Variants in CSMD1 observed in about 807,000 individuals in gnomAD.
CSMD1 encodes the protein CUB and Sushi multiple domains 1.
In CSMD1, 213 loss-of-function variants were observed where a neutral mutation model predicts 417.5. The observed-to-expected ratio is 0.51, with a 90% CI of 0.46 to 0.57. CSMD1 has a LOEUF of 0.57. Among genes scored for constraint, CSMD1 ranks in the 20% least tolerant of loss-of-function variants. The probability of loss-of-function intolerance (pLI) is 0.00; values close to 1 mark genes in which losing one functional copy is unlikely to be tolerated. For missense variants in CSMD1, 6,923 were observed against 4,529.7 expected, an observed-to-expected ratio of 1.53 and a Z score of -15.17; for synonymous variants, 2,862 against 1,736.8, an observed-to-expected ratio of 1.65 and a Z score of -16.11.
intron 1 of CSMD1, among the ~76,000 whole-genome samples, chr8:4,736,901 GTCA>G (rs1208360438): frequency 6.6e-6 from 1 of 152,134 alleles, no homozygotes; most frequent in Non-Finnish European, 1.5e-5. Context: ...GTTATCAGCT[GTCA>G]TCATCATCCT....
intron 1 of CSMD1, among the ~76,000 whole-genome samples, chr8:4,849,212 T>G (rs887111361): frequency 7.2e-5 from 11 of 152,116 alleles, no homozygotes; most frequent in Non-Finnish European, 1.6e-4. Flanking sequence ...GAAAAAAGCT[T>G]GTAGAATAAA....
intron 12 of CSMD1, among the ~76,000 whole-genome samples, chr8:3,414,954 T>C (rs1813038354): frequency 6.6e-6 from 1 of 152,186 alleles, no homozygotes; most frequent in African/African-American, 2.4e-5. Flanking sequence ...CTCTGCATTA[T>C]ATGTACTTTT....
chr8:4,869,912 T>C (rs575838617), intron 1 of CSMD1, among the ~76,000 whole-genome samples: 10 of 152,136 alleles, frequency 6.6e-5, no homozygotes, highest in African/African-American at 2.2e-4. Context: ...AATTTTAGAG[T>C]ATAAAAGTGG....
rs888529016 is a variant in CSMD1, at chr8:3,748,230, T to C, written c.931+5700A>G. On this transcript the variant is annotated intron_variant, in intron 6 of 69. Coordinates refer to ENST00000635120, the MANE Select transcript of CSMD1 (RefSeq NM_033225.6). ...AGTGGTTACGTGTTTCTGATTTGAA[T>C]GAGTTATATTATTAAAAACTATTTT... Among the ~76,000 whole-genome samples, 11 of 152,350 alleles carry C rather than the reference T, an allele frequency of 7.2e-5. No individual in the cohort carries two copies. In the South Asian group the frequency reaches 1.0e-3, roughly 14 times the overall value.
chr8:4,875,363 G>T (rs1802982929), intron 1 of CSMD1, among the ~76,000 whole-genome samples: 1 of 152,060 alleles, frequency 6.6e-6, no homozygotes, highest in South Asian at 2.1e-4. Flanking sequence ...ACTGAAAAGT[G>T]ACTTGTTTTC....
intron 7 of CSMD1, among the ~76,000 whole-genome samples, chr8:3,672,392 C>G (rs1293198457): frequency 1.3e-5 from 2 of 152,114 alleles, no homozygotes; most frequent in Non-Finnish European, 2.9e-5. Flanking sequence ...GCATTCTCAA[C>G]CACAGCTCAG....
chr8:4,590,172 T>C (rs186648383), intron 2 of CSMD1, among the ~76,000 whole-genome samples: 3,363 of 135,006 alleles, frequency 0.025, 128 homozygotes, highest in African/African-American at 0.1. Flanking sequence ...CTTTATGCTG[T>C]TTTTTTTTTC....
intron 3 of CSMD1, among the ~76,000 whole-genome samples, chr8:4,089,802 G>A (rs1364773312): frequency 6.6e-6 from 1 of 152,118 alleles, no homozygotes; most frequent in East Asian, 1.9e-4. Flanking sequence ...AGTCTACCGA[G>A]TGTGTTTGGT....
chr8:2,938,593 CT>C lies in CSMD1; in HGVS notation c.10686del (p.Val3563TrpfsTer13). On this transcript the variant is annotated frameshift_variant, in exon 70 of 70. Transcript: ENST00000635120. LOFTEE classifies it high-confidence loss of function. ...RFDTTLNTVC[T>X]VV ...TGTTGGGGCACTGAGGGCTATACCACTGTACAGACTGTGTTCAGAGTTGTGT... is the reference window on the plus strand; with the variant it reads ...TGTTGGGGCACTGAGGGCTATACCACGTACAGACTGTGTTCAGAGTTGTGT... The C allele has an allele frequency of 6.2e-7, 1 of 1,611,648 alleles. No homozygotes were observed.
chr8:3,314,141 G>C (rs1805572859), intron 23 of CSMD1, among the ~76,000 whole-genome samples: 1 of 151,624 alleles, frequency 6.6e-6, no homozygotes, highest in Admixed American at 6.6e-5. Context: ...GAGTGGGGAG[G>C]GATAGCATTA....
At chr8:4,446,558 G>C (rs553846920) in intron 2 of CSMD1, among the ~76,000 whole-genome samples, 4 of 152,194 alleles carry the variant, frequency 2.6e-5, no homozygotes, top group African/African-American at 9.6e-5. Flanking sequence ...GCTTTGTTTT[G>C]TTTTGTTGTG....
intron 5 of CSMD1, among the ~76,000 whole-genome samples, chr8:3,845,195 A>G (rs1803416656): frequency 6.6e-6 from 1 of 152,218 alleles, no homozygotes; most frequent in Non-Finnish European, 1.5e-5. Flanking sequence ...CGTTAGGAAA[A>G]TAGTGCAACT....
At chr8:3,289,203 C>T (rs1289414426) in intron 25 of CSMD1, among the ~76,000 whole-genome samples, 3 of 147,448 alleles carry the variant, frequency 2.0e-5, no homozygotes, top group Admixed American at 2.0e-4. Context: ...ATATGTGCCA[C>T]ATTTTCTTAA....
intron 3 of CSMD1, among the ~76,000 whole-genome samples, chr8:4,222,626 G>C (rs147783577): frequency 6.6e-6 from 1 of 152,202 alleles, no homozygotes; most frequent in Non-Finnish European, 1.5e-5. Flanking sequence ...ATCAAGAACT[G>C]TCATTTAAAT....
intron 50 of CSMD1, among the ~76,000 whole-genome samples, chr8:3,044,060 A>G (rs1038892483): frequency 6.6e-6 from 1 of 152,218 alleles, no homozygotes; most frequent in African/African-American, 2.4e-5. Flanking sequence ...TCTCTGGTGT[A>G]CCACAGCTAA....
chr8:3,645,054 G>A (rs1050964544), intron 7 of CSMD1, among the ~76,000 whole-genome samples: 1 of 147,622 alleles, frequency 6.8e-6, no homozygotes, highest in African/African-American at 2.5e-5. Context: ...TCTGCCTCAT[G>A]AAGATCCAGC....
At chr8:3,293,969 G>C (rs967480394) in intron 25 of CSMD1, among the ~76,000 whole-genome samples, 12 of 152,048 alleles carry the variant, frequency 7.9e-5, no homozygotes, top group Non-Finnish European at 1.8e-4. Flanking sequence ...ATCTACCTTT[G>C]GTCTTTGATG....
chr8:4,270,742 G>C (rs1234131668), intron 3 of CSMD1, among the ~76,000 whole-genome samples: 1 of 152,126 alleles, frequency 6.6e-6, no homozygotes, highest in Non-Finnish European at 1.5e-5. Context: ...TTGTGTTTGA[G>C]GACAGTGCTA....
At chr8:3,823,638 G>C (rs1801875750) in intron 5 of CSMD1, among the ~76,000 whole-genome samples, 1 of 151,918 alleles carries the variant, frequency 6.6e-6, no homozygotes, top group Non-Finnish European at 1.5e-5. Context: ...TAAAAATAAT[G>C]TATAACAATA....
Sources: allele counts gnomAD v4.1 joint callset (sites outside exome capture counted in the v4.1 genomes callset), GRCh38; gene constraint gnomAD v4.1.1; transcripts MANE v1.5; gene names NCBI Gene and HGNC (gene_info 2026-07-23, HGNC 2026-07-21).